CACNA2D2: variants seen among roughly 807,000 people sequenced by gnomAD.
The protein encoded by CACNA2D2 is calcium voltage-gated channel auxiliary subunit alpha2delta 2.
Under a neutral mutation model 166.4 loss-of-function variants are expected in CACNA2D2, and 48 were observed. That is an observed-to-expected ratio of 0.29 (90% confidence interval 0.23 to 0.37). The LOEUF is 0.37. Among genes scored for constraint, CACNA2D2 ranks in the 10% least tolerant of loss-of-function variants. CACNA2D2 has a pLI of 1.00. For missense variants in CACNA2D2, 1,122 were observed against 1,433.0 expected (o/e 0.78, Z 3.50); for synonymous variants, 561 against 573.7 (o/e 0.98, Z 0.32).
In CACNA2D2 at chr3:50,438,223, C is replaced by A. The variant is rs202094023; in HGVS notation, c.289-3794G>T. Among the ~76,000 whole-genome samples, 35 of 152,270 alleles carry A rather than the reference C, an allele frequency of 2.3e-4. No individual in the cohort carries two copies. The East Asian group carries it at 4.4e-3, about 19-fold the overall frequency. Reference sequence around the variant, plus strand: ...TGTTCCCAGGAATTCCTGGTTCCCCCCCTTGTTTCATGTACTGGTGACCAT... The same window carrying A: ...TGTTCCCAGGAATTCCTGGTTCCCCACCTTGTTTCATGTACTGGTGACCAT... On this transcript the variant is annotated intron_variant, in intron 2 of 37. Coordinates refer to ENST00000424201, the MANE Select transcript of CACNA2D2 (RefSeq NM_006030.4).
chr3:50,377,400 T>A, intron 17 of CACNA2D2, 67 bp downstream of exon 17: 2 of 1,349,144 alleles, frequency 1.5e-6, no homozygotes, highest in Non-Finnish European at 2.1e-6. Context: ...CCCATCAGTC[T>A]TCTCTGCTGA....
rs1411918426 is a variant in CACNA2D2, at chr3:50,394,184, C to CAGGGAGGTCAGAAGCGG, written c.406-33_406-17dup. 3.7e-6 allele frequency: 6 copies of CAGGGAGGTCAGAAGCGG among 1,613,082 alleles called. No individual in the cohort carries two copies. The highest frequency in any genetic ancestry group is 5.1e-6 in the Non-Finnish European group (6 of 1,179,074). On this transcript the variant is annotated splice_polypyrimidine_tract_variant and intron_variant, in intron 3 of 37. Transcript: ENST00000424201. ...CAGCCAGTCTCTGAGGGACAGAGCA[C>CAGGGAGGTCAGAAGCGG]AGGGAGGTCAGAAGCGGAGGAAGGC... is the stretch of plus-strand genomic sequence containing the variant.
intron 1 of CACNA2D2, among the ~76,000 whole-genome samples, chr3:50,499,962 C>T (rs1162700023): frequency 1.3e-5 from 2 of 152,272 alleles, no homozygotes; most frequent in South Asian, 2.1e-4. Context: ...GCAGCAGCGG[C>T]TGGGAAGCCT....
intron 22 of CACNA2D2, among the ~76,000 whole-genome samples, chr3:50,370,642 G>A (rs1389979362): frequency 6.6e-6 from 1 of 152,080 alleles, no homozygotes; most frequent in Non-Finnish European, 1.5e-5. Context: ...TCCTCTGTCG[G>A]CAGTGAGTCC....
intron 3 of CACNA2D2, among the ~76,000 whole-genome samples, chr3:50,432,562 C>T (rs563614161): frequency 5.9e-5 from 9 of 152,284 alleles, no homozygotes; most frequent in Non-Finnish European, 2.9e-5. Flanking sequence ...CAGGCACGCC[C>T]AGTTCAGAAA....
At chr3:50,460,715 G>A (rs941934219) in intron 2 of CACNA2D2, among the ~76,000 whole-genome samples, 2 of 152,026 alleles carry the variant, frequency 1.3e-5, no homozygotes, top group African/African-American at 4.8e-5. Flanking sequence ...TTAGCCAGGC[G>A]TGGTGGCGGG....
At chr3:50,454,071 A>G (rs1709232966) in intron 2 of CACNA2D2, among the ~76,000 whole-genome samples, 1 of 152,214 alleles carries the variant, frequency 6.6e-6, no homozygotes, top group African/African-American at 2.4e-5. Flanking sequence ...GGCAAATAAT[A>G]GCTTTTGCTG....
chr3:50,498,528 C>A (rs952800944), intron 1 of CACNA2D2, among the ~76,000 whole-genome samples: 1 of 152,220 alleles, frequency 6.6e-6, no homozygotes, highest in African/African-American at 2.4e-5. Flanking sequence ...ACAGAGCAGG[C>A]CTGGCCCATA....
chr3:50,368,380 G>A, intron 23 of CACNA2D2, 145 bp from the exon 24 acceptor site: 1 of 658,078 alleles, frequency 1.5e-6, no homozygotes, highest in East Asian at 2.5e-5. Context: ...GGCTGCAGCT[G>A]CTACATGCCT....
rs2106640716 is a variant in CACNA2D2, at chr3:50,375,944, G to C, written c.1773+19C>G. ...CTCCTCTGCTCTGTCCCCCACCCCT[G>C]TTCTCCTCCTCTCCTTACCTCTTCC... On this transcript the variant is annotated intron_variant, in intron 19 of 37. Transcript: ENST00000424201. This position sits in a 1 kb window ranked among gnomAD's most constrained non-coding sequence, Gnocchi z 4.0. 6.2e-7 allele frequency: 1 copy of C among 1,608,948 alleles called. No homozygotes were observed. Among genetic ancestry groups the C allele is most frequent in the East Asian group, 2.2e-5 (1 of 44,884 alleles).
rs373007810 is a variant in CACNA2D2 at position 50,382,614 on chromosome 3, T to C, written c.653-1488A>G. ...GCTCTGCTTATTGAACAGTATGTTA[T>C]GGTCCTGTTCCTAATTTAGAAACTT... On this transcript the variant is annotated intron_variant, in intron 6 of 37. Coordinates refer to ENST00000424201, the MANE Select transcript of CACNA2D2 (RefSeq NM_006030.4). Among the ~76,000 whole-genome samples the C allele has an allele frequency of 1.5e-3, 231 of 152,380 alleles. 9 individuals are homozygous for C. In the South Asian group the frequency reaches 0.046, roughly 30 times the overall value.
rs139481261 is a variant in CACNA2D2 at position 50,402,962 on chromosome 3, T to C, written c.406-8794A>G. Among the ~76,000 whole-genome samples, 630 of 152,274 alleles carry C rather than the reference T, an allele frequency of 4.1e-3. 8 individuals carry two copies. The highest frequency in any genetic ancestry group is 0.014 in the African/African-American group (576 of 41,540). ...GTGCTCTGTGGGGCATGGTGCTGCCTCCTGTCCCCTCATCAGTCCCCATTC... is the reference window on the plus strand; with the variant it reads ...GTGCTCTGTGGGGCATGGTGCTGCCCCCTGTCCCCTCATCAGTCCCCATTC... On this transcript the variant is annotated intron_variant, in intron 3 of 37. Transcript: ENST00000424201.
At position 50,379,852 on chromosome 3, in the gene CACNA2D2, G is replaced by A; in HGVS notation, c.894-28C>T. The A allele has an allele frequency of 6.2e-7, 1 of 1,613,100 alleles. No individual in the cohort carries two copies. Among genetic ancestry groups the A allele is most frequent in the Non-Finnish European group, 8.5e-7 (1 of 1,179,334 alleles). On this transcript the variant is annotated intron_variant, in intron 9 of 37. Transcript: ENST00000424201. The surrounding 1 kb of genome is among the most constrained non-coding windows in gnomAD (Gnocchi z 6.5). The stretch of plus-strand genomic sequence containing the variant: ...GGAGAGGTCAGGCAGGGGACGTGGA[G>A]GAGCCAGGGGAACCTCACGTGTTCT...
chr3:50,474,011 C>T (rs879504609), intron 2 of CACNA2D2, among the ~76,000 whole-genome samples: 2 of 152,224 alleles, frequency 1.3e-5, no homozygotes, highest in African/African-American at 2.4e-5. Flanking sequence ...ACGCTGAGCA[C>T]GGCCCTGCTC....
Position 50,503,531 on chromosome 3 carries a change from C to T in CACNA2D2, c.-108G>A, listed in dbSNP as rs1335312549. On this transcript the variant is annotated 5_prime_UTR_variant, in exon 1 of 38. Transcript: ENST00000424201. ...GGCGGGCGGTAACTCGGCCTCTCCT[C>T]CGCCGCCGCCTTCTCCGCGAGGGGC... 1 of 168,042 alleles carries T rather than the reference C, an allele frequency of 6.0e-6. No homozygotes were observed. Among genetic ancestry groups the T allele is most frequent in the Non-Finnish European group, 1.3e-5 (1 of 79,262 alleles). The allele number at this position is 168,042 out of a possible 1,614,324, so 10.4% of individuals were successfully genotyped here. A position where few individuals can be genotyped will look rare whatever the true frequency, so the allele number is the denominator to read the frequency against.
intron 1 of CACNA2D2, among the ~76,000 whole-genome samples, chr3:50,497,194 G>C (rs1031793320): frequency 6.6e-6 from 1 of 152,160 alleles, no homozygotes; most frequent in East Asian, 1.9e-4. Context: ...GGCGTGGAGA[G>C]GAGCAGGAAG....
chr3:50,502,362 T>A (rs1163296808), intron 1 of CACNA2D2, among the ~76,000 whole-genome samples: 2 of 152,180 alleles, frequency 1.3e-5, no homozygotes, highest in Non-Finnish European at 2.9e-5. Flanking sequence ...AGGAAACTGA[T>A]ACGTCCTAAA....
intron 17 of CACNA2D2, 89 bp downstream of exon 17, chr3:50,377,378 G>A: frequency 1.9e-6 from 2 of 1,054,542 alleles, no homozygotes; most frequent in South Asian, 1.4e-5. Flanking sequence ...TCTCCATGGA[G>A]GCGCTGTAAT....
At chr3:50,399,950 G>A (rs1476242522) in intron 3 of CACNA2D2, among the ~76,000 whole-genome samples, 12 of 152,160 alleles carry the variant, frequency 7.9e-5, no homozygotes, top group Admixed American at 1.3e-4. Flanking sequence ...TCCAGGCCAC[G>A]GGAGGGGACA....
Sources: allele counts gnomAD v4.1 joint callset (sites outside exome capture counted in the v4.1 genomes callset), GRCh38; gene constraint gnomAD v4.1.1; non-coding constraint Gnocchi (gnomAD v3.1); transcripts MANE v1.5; gene names NCBI Gene and HGNC (gene_info 2026-07-23, HGNC 2026-07-21).